The following NFASC variants were observed in gnomAD, a reference collection of about 807,000 sequenced individuals.
NFASC encodes neurofascin homolog.
Under a neutral mutation model 147.5 loss-of-function variants are expected in NFASC, and 43 were observed. That is an observed-to-expected ratio of 0.29 (90% CI 0.23 to 0.38). The LOEUF (loss-of-function observed/expected upper bound fraction) is 0.38. Among genes scored for constraint, NFASC ranks in the 10% least tolerant of loss-of-function variants. The pLI is 1.00. For missense variants in NFASC, 1,320 were observed against 1,689.0 expected, an observed-to-expected ratio of 0.78 and a Z score of 3.83; for synonymous variants, 622 against 665.5, an observed-to-expected ratio of 0.93 and a Z score of 1.01.
At chr1:204,880,968 T>C (rs1319031546) in intron 1 of NFASC, among the ~76,000 whole-genome samples, 1 of 152,224 alleles carries the variant, frequency 6.6e-6, no homozygotes, top group African/African-American at 2.4e-5. Flanking sequence ...GAGAAATGCC[T>C]GTCTCTTTTC....
At chr1:204,890,759 A>G (rs2082229751) in intron 1 of NFASC, among the ~76,000 whole-genome samples, 1 of 152,076 alleles carries the variant, frequency 6.6e-6, no homozygotes, top group Non-Finnish European at 1.5e-5. Flanking sequence ...TAGTAGAGAC[A>G]GGGTTTTGCC....
At chr1:204,880,738 T>G (rs2080032526) in intron 1 of NFASC, among the ~76,000 whole-genome samples, 1 of 152,126 alleles carries the variant, frequency 6.6e-6, no homozygotes, top group Non-Finnish European at 1.5e-5. Context: ...GCTGTGGGAT[T>G]TGGGGTTTTT....
rs79921386 is a variant in NFASC at position 204,859,326 on chromosome 1, C to G, written c.-200+30544C>G. Among the ~76,000 whole-genome samples, 481 of 152,312 alleles carry G rather than the reference C, an allele frequency of 3.2e-3. 2 individuals carry two copies. The highest frequency in any genetic ancestry group is 0.011 in the African/African-American group (457 of 41,564). On this transcript the variant is annotated intron_variant, in intron 1 of 29. Transcript: ENST00000339876. ...AAGCCAGGCAGCCGGGCAGGGTCTT[C>G]CCCCGCCTTAGCCCCTAGATGGGAC...
At chr1:204,842,766 C>T (rs958690699) in intron 1 of NFASC, among the ~76,000 whole-genome samples, 2 of 152,208 alleles carry the variant, frequency 1.3e-5, no homozygotes, top group African/African-American at 2.4e-5. Context: ...GGATGGGCTT[C>T]GGGAACTACT....
chr1:204,866,786 A>G (rs1164755067), intron 1 of NFASC, among the ~76,000 whole-genome samples: 1 of 152,236 alleles, frequency 6.6e-6, no homozygotes, highest in African/African-American at 2.4e-5. Flanking sequence ...AAATATCTGC[A>G]CATATCATTA....
At chr1:204,906,461 A>G (rs1472598042) in intron 1 of NFASC, among the ~76,000 whole-genome samples, 3 of 152,202 alleles carry the variant, frequency 2.0e-5, no homozygotes, top group Non-Finnish European at 2.9e-5. Context: ...GAGATCCTAC[A>G]GTATTGAGAC....
Position 204,912,636 on chromosome 1 carries a change from G to A in NFASC, c.-199-7996G>A, listed in dbSNP as rs1355212618. Among the ~76,000 whole-genome samples, 13 of 152,216 alleles carry A rather than the reference G, an allele frequency of 8.5e-5. No homozygotes were observed. The East Asian group carries it at 9.7e-4, about 11-fold the overall frequency. On this transcript the variant is annotated intron_variant, in intron 1 of 29. Coordinates refer to ENST00000339876, the MANE Select transcript of NFASC (RefSeq NM_001005388.3). ...GAGGATTTTTTGAGCCCTGGAATTC[G>A]ATGCAGCAGTGAGCTATGTTCACAC...
Position 205,014,746 on chromosome 1 carries a change from G to A in NFASC, c.3492-1562G>A, listed in dbSNP as rs1263051256. Among the ~76,000 whole-genome samples, 3 of 152,140 alleles carry A rather than the reference G, an allele frequency of 2.0e-5. 1 individual carries two copies. Among genetic ancestry groups the A allele is most frequent in the Middle Eastern group, 6.3e-3 (2 of 316 alleles). On this transcript the variant is annotated intron_variant, in intron 29 of 29. Transcript: ENST00000339876. ...ACTGGCTGGGCTGTTGCTGCCCAGT[G>A]GCTGCACTTAGCTTAGCTGCCTGGA...
chr1:204,926,113 T>C (rs1004076204), intron 2 of NFASC, among the ~76,000 whole-genome samples: 1 of 151,838 alleles, frequency 6.6e-6, no homozygotes, highest in African/African-American at 2.4e-5. Flanking sequence ...TTTTTTTAAT[T>C]AACCAATCTT....
chr1:204,997,094 T>G, intron 24 of NFASC, 76 bp from the exon 25 acceptor site: 1 of 1,551,806 alleles, frequency 6.4e-7, no homozygotes, highest in South Asian at 1.2e-5. Context: ...CTGCCTGCCT[T>G]GCACGCGGGG....
chr1:204,917,394 A>G (rs1442474750), intron 1 of NFASC, among the ~76,000 whole-genome samples: 1 of 152,142 alleles, frequency 6.6e-6, no homozygotes, highest in African/African-American at 2.4e-5. Context: ...GGAAGAGGAG[A>G]GAATAATATA....
rs761655776 is a variant in NFASC at position 204,979,311 on chromosome 1, A to G, written c.1979-51A>G. 4 of 1,411,556 alleles carry G rather than the reference A, an allele frequency of 2.8e-6. No individual in the cohort carries two copies. The highest frequency in any genetic ancestry group is 1.4e-5 in the African/African-American group (1 of 70,796). 87.4% of individuals were successfully genotyped at this position (1,411,556 alleles called of 1,614,324 possible). On this transcript the variant is annotated intron_variant, in intron 18 of 29. Transcript: ENST00000339876. This position sits in a 1 kb window ranked among gnomAD's most constrained non-coding sequence, Gnocchi z 6.0. ...CAAGAAGGAAGTGCTTTTAAAGAAG[A>G]CCACTGCTAACTGAGCTCCCGAAAC...
rs985384011 is a variant in NFASC at position 205,015,882 on chromosome 1, C to G, written c.3492-426C>G. ...TCTTGGGAGATCAAAGCTGGGCCAGCCCCTCTTGATGGACAGACTGAGGCC... is the reference window on the plus strand; with the variant it reads ...TCTTGGGAGATCAAAGCTGGGCCAGGCCCTCTTGATGGACAGACTGAGGCC... On this transcript the variant is annotated intron_variant, in intron 29 of 29. Coordinates refer to ENST00000339876, the MANE Select transcript of NFASC (RefSeq NM_001005388.3). This position sits in a 1 kb window ranked among gnomAD's most constrained non-coding sequence, Gnocchi z 4.0. Among the ~76,000 whole-genome samples, 9 of 152,096 alleles carry G rather than the reference C, an allele frequency of 5.9e-5. No individual in the cohort carries two copies. The highest frequency in any genetic ancestry group is 1.5e-5 in the Non-Finnish European group (1 of 68,030).
rs142253950 is a variant in NFASC at position 204,874,123 on chromosome 1, C to G, written c.-200+45341C>G. Among the ~76,000 whole-genome samples, 260 of 152,308 alleles carry G rather than the reference C, an allele frequency of 1.7e-3. 2 individuals carry two copies. Among genetic ancestry groups the G allele is most frequent in the African/African-American group, 5.5e-3 (228 of 41,546 alleles). ...AGGAGTAGGAAGGAGGAGGCTCTCT[C>G]TGTCCAGTCCTATGCAGCCTTTGTT... On this transcript the variant is annotated intron_variant, in intron 1 of 29. Coordinates refer to ENST00000339876, the MANE Select transcript of NFASC (RefSeq NM_001005388.3).
intron 1 of NFASC, among the ~76,000 whole-genome samples, chr1:204,900,549 C>T (rs1233087917): frequency 1.3e-5 from 2 of 152,142 alleles, no homozygotes; most frequent in Non-Finnish European, 2.9e-5. Context: ...CAGATAGAAT[C>T]GCTGTCTCTC....
chr1:204,920,100 T>C (rs1441737353), intron 1 of NFASC, among the ~76,000 whole-genome samples: 1 of 152,230 alleles, frequency 6.6e-6, no homozygotes, highest in Non-Finnish European at 1.5e-5. Flanking sequence ...TAGAGAAGTG[T>C]CCTACTCTAA....
At chr1:204,895,098 C>T (rs1301843184) in intron 1 of NFASC, among the ~76,000 whole-genome samples, 1 of 152,158 alleles carries the variant, frequency 6.6e-6, no homozygotes, top group Non-Finnish European at 1.5e-5. Context: ...GTCTAACATT[C>T]CAAATGTTCT....
chr1:204,853,161 C>A (rs2075846624), intron 1 of NFASC, among the ~76,000 whole-genome samples: 1 of 151,516 alleles, frequency 6.6e-6, no homozygotes, highest in African/African-American at 2.4e-5. Context: ...ATTTCTAAAA[C>A]ATAGATTATC....
chr1:204,832,997 T>C (rs1672672037), intron 1 of NFASC, among the ~76,000 whole-genome samples: 1 of 152,238 alleles, frequency 6.6e-6, no homozygotes, highest in Non-Finnish European at 1.5e-5. Flanking sequence ...TGGATGCATA[T>C]GGCCTGGTCC....
Sources: gnomAD v4.1 joint callset for allele counts (sites outside exome capture counted in the v4.1 genomes callset) on GRCh38, gnomAD v4.1.1 for gene constraint, Gnocchi (gnomAD v3.1) non-coding constraint, MANE v1.5 for transcripts, NCBI Gene and HGNC (gene_info 2026-07-23, HGNC 2026-07-21) for gene names.